The following LLGL2 variants were observed in gnomAD, a reference collection of about 807,000 sequenced individuals.
LLGL2 encodes LLGL2, scribble cell polarity complex component.
Under a neutral mutation model 123.2 loss-of-function variants are expected in LLGL2, and 81 were observed. That is an observed-to-expected ratio of 0.66 (90% CI 0.55 to 0.79). The LOEUF is 0.79. Ranked by LOEUF, LLGL2 falls within the 30% of genes least tolerant of loss-of-function variation. The pLI is 0.00. For synonymous variants in LLGL2, 577 were observed against 594.1 expected (o/e 0.97, Z 0.42); for missense variants, 1,273 against 1,414.6 (o/e 0.90, Z 1.61).
rs1370525446 is a variant in LLGL2, at chr17:75,574,881, GGCT to G, written c.*5_*7del. On this transcript the variant is annotated 3_prime_UTR_variant, in exon 26 of 26. Transcript: ENST00000392550. ...CTCTGTGTCCTTCAGCAGAGTGAGTGGCTGAGCGTCCAGGCTGCGCGATGAGCA... is the reference window on the plus strand; with the variant it reads ...CTCTGTGTCCTTCAGCAGAGTGAGTGGAGCGTCCAGGCTGCGCGATGAGCA... 6.2e-6 allele frequency: 10 copies of G among 1,613,934 alleles called. No homozygotes were observed. The highest frequency in any genetic ancestry group is 8.5e-6 in the Non-Finnish European group (10 of 1,179,976).
intron 24 of LLGL2, 23 bp from the exon 25 acceptor site, chr17:75,574,587 C>T (rs2147611450): frequency 1.7e-5 from 27 of 1,611,316 alleles, no homozygotes; most frequent in Non-Finnish European, 2.3e-5. Context: ...GAGGCCATGA[C>T]TCCCCTGTCT....
rs201602163 is a variant in LLGL2 at position 75,568,777 on chromosome 17, G to A, written c.1260G>A (p.Trp420Ter). 1 of 1,606,196 alleles carries A rather than the reference G, an allele frequency of 6.2e-7. No homozygotes were observed. Among genetic ancestry groups the A allele is most frequent in the Non-Finnish European group, 8.5e-7 (1 of 1,175,388 alleles). ...RQNAHFSTME[W>*]PIDGGTSLTP... Reference sequence around the variant, plus strand: ...TTCTTGGTCTCTTTTTCTAGGAGTGGCCAATTGATGGTGGCACCAGCCTGA... The same window carrying A: ...TTCTTGGTCTCTTTTTCTAGGAGTGACCAATTGATGGTGGCACCAGCCTGA... Residue 420 changes from tryptophan (W) to a stop codon, truncating the protein, a stop_gained, in exon 12 of 26, where the codon TGG becomes TGA. Coordinates refer to ENST00000392550, the MANE Select transcript of LLGL2 (RefSeq NM_001031803.2). LOFTEE classifies it high-confidence loss of function.
intron 1 of LLGL2, among the ~76,000 whole-genome samples, chr17:75,530,649 CAAAA>C (rs35452644): frequency 1.5e-5 from 2 of 137,266 alleles, no homozygotes; most frequent in Non-Finnish European, 3.1e-5. Context: ...GACTCCATTT[CAAAA>C]AAAAAAAAAA....
chr17:75,534,168 G>A (rs919744687), intron 1 of LLGL2, among the ~76,000 whole-genome samples: 73 of 152,390 alleles, frequency 4.8e-4, no homozygotes, highest in Non-Finnish European at 8.7e-4. Flanking sequence ...TGGAGAGAGA[G>A]TCTGGTGTTG....
chr17:75,563,701 C>A, intron 8 of LLGL2, 51 bp from the exon 9 acceptor site: 1 of 1,600,638 alleles, frequency 6.2e-7, no homozygotes, highest in Non-Finnish European at 8.6e-7. Flanking sequence ...TGGGGACTGA[C>A]ACTTGTCTGA....
In LLGL2 at chr17:75,555,718, C is replaced by T. The variant is rs111935252; in HGVS notation, c.76-328C>T. Among the ~76,000 whole-genome samples, 554 of 152,218 alleles carry T rather than the reference C, an allele frequency of 3.6e-3. 2 individuals are homozygous for T. The highest frequency in any genetic ancestry group is 0.014 in the Middle Eastern group (4 of 294). On this transcript the variant is annotated intron_variant, in intron 2 of 25. Coordinates refer to ENST00000392550, the MANE Select transcript of LLGL2 (RefSeq NM_001031803.2). ...CCCCACCCCACACCCATAAGGCCCC[C>T]ATGCCACTGAGGAGGGCTGGGTCCG...
intron 2 of LLGL2, among the ~76,000 whole-genome samples, chr17:75,550,330 A>G (rs1034960163): frequency 2.6e-5 from 4 of 151,818 alleles, no homozygotes; most frequent in African/African-American, 9.7e-5. Context: ...GGCCATATGC[A>G]CTCCCTCTAA....
At chr17:75,560,822 A>G (rs887980874) in intron 6 of LLGL2, among the ~76,000 whole-genome samples, 2 of 88,812 alleles carry the variant, frequency 2.3e-5, no homozygotes, top group African/African-American at 1.3e-4. Flanking sequence ...AAAAAAAAAA[A>G]AAAAAAAAAA....
intron 1 of LLGL2, among the ~76,000 whole-genome samples, chr17:75,535,419 G>T (rs1394209524): frequency 6.6e-6 from 1 of 152,244 alleles, no homozygotes; most frequent in South Asian, 2.1e-4. Context: ...GGTTTCGGCT[G>T]GGTCTGGAGT....
At chr17:75,552,101 T>G (rs909645758) in intron 2 of LLGL2, among the ~76,000 whole-genome samples, 1 of 148,976 alleles carries the variant, frequency 6.7e-6, no homozygotes, top group African/African-American at 2.5e-5. Context: ...TGCACTCCAA[T>G]TAGGTGACAG....
chr17:75,541,650 C>T (rs535699109), intron 1 of LLGL2, among the ~76,000 whole-genome samples: 2 of 147,922 alleles, frequency 1.4e-5, no homozygotes, highest in South Asian at 4.4e-4. Flanking sequence ...GGGGCTGGTT[C>T]CTGGTATTCG....
chr17:75,525,399 G>A (rs1362484549), upstream of LLGL2, among the ~76,000 whole-genome samples: 1 of 152,092 alleles, frequency 6.6e-6, no homozygotes, highest in Non-Finnish European at 1.5e-5. The surrounding 1 kb of genome is among the most constrained non-coding windows in gnomAD (Gnocchi z 4.8). Context: ...GCCCGGGACC[G>A]CAGGCGTTCC....
intron 3 of LLGL2, among the ~76,000 whole-genome samples, chr17:75,557,398 T>C (rs146092301): frequency 1.3e-4 from 20 of 152,118 alleles, no homozygotes; most frequent in Non-Finnish European, 2.9e-4. Flanking sequence ...TGTTGTCCAG[T>C]TGGGTCATCT....
rs1477468369 is a variant in LLGL2 at position 75,571,144 on chromosome 17, G to A, written c.2176+44G>A. On this transcript the variant is annotated intron_variant, in intron 17 of 25. Coordinates refer to ENST00000392550, the MANE Select transcript of LLGL2 (RefSeq NM_001031803.2). ...GTTGGGGGGCAGGGGGTAGTGGGCA[G>A]CAGACACCCCCTGACCTGGGGGCAT... 5 of 1,541,848 alleles carry A rather than the reference G, an allele frequency of 3.2e-6. No individual in the cohort carries two copies. In the African/African-American group the frequency reaches 5.4e-5, roughly 17 times the overall value.
Position 75,544,105 on chromosome 17 carries a change from G to A in LLGL2, c.75+604G>A, listed in dbSNP as rs540962643. On this transcript the variant is annotated intron_variant, in intron 2 of 25. Transcript: ENST00000392550. The surrounding 1 kb of genome is among the most constrained non-coding windows in gnomAD (Gnocchi z 4.2). ...GTATCCGGGGTACCAGAAGGCCCAC[G>A]GGGCTTCCCTTCAGGAGTCTGGGGC... 6.2e-4 allele frequency among the ~76,000 whole-genome samples: 95 copies of A among 152,278 alleles called. No homozygotes were observed. The highest frequency in any genetic ancestry group is 2.2e-3 in the African/African-American group (90 of 41,548).
chr17:75,528,441 C>A lies in LLGL2; in HGVS notation c.-31+2616C>A, dbSNP rs368997071. On this transcript the variant is annotated intron_variant, in intron 1 of 25. Transcript: ENST00000392550. ...TAAATAACTTTTTAATATACCGCAA[C>A]ATTAAAAGAAAAAAAGGCCAGGCGT... Among the ~76,000 whole-genome samples the A allele has an allele frequency of 2.6e-5, 4 of 151,898 alleles. No individual in the cohort carries two copies. In the South Asian group the frequency reaches 8.3e-4, roughly 32 times the overall value.
chr17:75,564,163 CAG>C lies in LLGL2; in HGVS notation c.882-187_882-186del, dbSNP rs915598676. 2.2e-4 allele frequency among the ~76,000 whole-genome samples: 33 copies of C among 152,244 alleles called. No individual in the cohort carries two copies. Among genetic ancestry groups the C allele is most frequent in the African/African-American group, 8.0e-4 (33 of 41,468 alleles). On this transcript the variant is annotated intron_variant, in intron 9 of 25. Transcript: ENST00000392550. This position sits in a 1 kb window ranked among gnomAD's most constrained non-coding sequence, Gnocchi z 4.9. Reference sequence around the variant, plus strand: ...TGAGGCAGGAGTGGCTGCTGAGACTCAGAGCCCCCAGCCTGGATGCCCTCACC... The same window carrying C: ...TGAGGCAGGAGTGGCTGCTGAGACTCAGCCCCCAGCCTGGATGCCCTCACC...
rs888082797 is a variant in LLGL2, at chr17:75,563,118, C to G, written c.633C>G (p.Gly211=). ...AGATCCTGATCGGCTACAGCCGAGG[C>G]CTCGTTGTCATCTGGGACCTACAGG... ...PNQILIGYSR[G]LVVIWDLQGS... The change falls in exon 7 of 26, where the codon GGC becomes GGG. Residue 211 remains glycine, a synonymous_variant. Coordinates refer to ENST00000392550, the MANE Select transcript of LLGL2 (RefSeq NM_001031803.2). 6.2e-7 allele frequency: 1 copy of G among 1,613,180 alleles called. No individual in the cohort carries two copies. The highest frequency in any genetic ancestry group is 8.5e-7 in the Non-Finnish European group (1 of 1,180,026).
intron 1 of LLGL2, among the ~76,000 whole-genome samples, chr17:75,534,924 A>C (rs1041029158): frequency 2.6e-5 from 4 of 152,234 alleles, no homozygotes; most frequent in Admixed American, 2.6e-4. Context: ...TTTACTACTT[A>C]ATTAACAACA....
Sources: gnomAD v4.1 joint callset for allele counts (sites outside exome capture counted in the v4.1 genomes callset) on GRCh38, gnomAD v4.1.1 for gene constraint, Gnocchi (gnomAD v3.1) non-coding constraint, MANE v1.5 for transcripts, NCBI Gene and HGNC (gene_info 2026-07-23, HGNC 2026-07-21) for gene names.